Variants in SGK1 observed in about 807,000 individuals in gnomAD.
SGK1 encodes the protein serum/glucocorticoid regulated kinase 1, also known as serine/threonine-protein kinase Sgk1.
SGK1 carries 26 observed loss-of-function variants against 64.2 expected under a neutral mutation model. The ratio of observed to expected loss-of-function variants is 0.40; its 90% CI spans 0.30 to 0.56. The LOEUF (loss-of-function observed/expected upper bound fraction) is 0.56. Ranked by LOEUF, SGK1 falls within the 20% of genes least tolerant of loss-of-function variation. The probability of loss-of-function intolerance (pLI) is 0.38; values close to 1 mark genes in which losing one functional copy is unlikely to be tolerated. For synonymous variants in SGK1, 265 were observed against 239.7 expected (o/e 1.11, Z -0.98); for missense variants, 519 against 645.6 (o/e 0.80, Z 2.12).
intron 1 of SGK1, among the ~76,000 whole-genome samples, chr6:134,264,643 A>ATT (rs1279104336): frequency 4.6e-5 from 7 of 151,434 alleles, no homozygotes; most frequent in African/African-American, 1.7e-4. Context: ...TATTATTATT[A>ATT]TTTTTGTTGT....
intron 1 of SGK1, among the ~76,000 whole-genome samples, chr6:134,285,007 T>C (rs1777159992): frequency 1.3e-5 from 2 of 152,244 alleles, no homozygotes; most frequent in South Asian, 2.1e-4. Context: ...TGCATGTTCA[T>C]GTGTCTTTTT....
At chr6:134,194,113 A>C (rs1775560500) in intron 3 of SGK1, among the ~76,000 whole-genome samples, 1 of 152,056 alleles carries the variant, frequency 6.6e-6, no homozygotes. Context: ...GAGAAAACCT[A>C]CAAAGACATG....
intron 1 of SGK1, among the ~76,000 whole-genome samples, chr6:134,310,199 A>T (rs1174059243): frequency 6.6e-6 from 1 of 152,144 alleles, no homozygotes. Context: ...CCCGCATTTC[A>T]GCACCAGCCC....
chr6:134,184,962 G>A (rs986603525), intron 3 of SGK1, among the ~76,000 whole-genome samples: 2 of 152,278 alleles, frequency 1.3e-5, no homozygotes, highest in African/African-American at 2.4e-5. Context: ...TGGGATTATA[G>A]GCATAAGCCA....
chr6:134,209,010 A>G (rs781313602), intron 2 of SGK1, among the ~76,000 whole-genome samples: 9 of 152,174 alleles, frequency 5.9e-5, no homozygotes, highest in African/African-American at 2.2e-4. Flanking sequence ...TAGTTCTTTA[A>G]GGAATCTGCA....
At chr6:134,223,736 C>G (rs1044917714) in intron 2 of SGK1, among the ~76,000 whole-genome samples, 2 of 152,236 alleles carry the variant, frequency 1.3e-5, no homozygotes, top group African/African-American at 4.8e-5. Context: ...TCCATTAACA[C>G]TTTAGCCATA....
intron 1 of SGK1, among the ~76,000 whole-genome samples, chr6:134,271,848 G>A (rs1297348021): frequency 2.0e-5 from 3 of 147,246 alleles, no homozygotes; most frequent in African/African-American, 7.3e-5. Context: ...TTTTCTGTTT[G>A]TTTGTTTTTT....
At chr6:134,212,015 G>C (rs561345211) in intron 2 of SGK1, among the ~76,000 whole-genome samples, 2 of 151,696 alleles carry the variant, frequency 1.3e-5, no homozygotes, top group Non-Finnish European at 2.9e-5. Context: ...TTGAAATCTG[G>C]GTCCTTGAAA....
In SGK1 at chr6:134,226,676, AGAGT is replaced by A. The variant is rs775264645; in HGVS notation, c.286-19249_286-19246del. 4.5e-4 allele frequency among the ~76,000 whole-genome samples: 69 copies of A among 151,764 alleles called. 1 individual carries two copies. The highest frequency in any genetic ancestry group is 8.2e-4 in the Non-Finnish European group (56 of 67,966). Reference sequence around the variant, plus strand: ...GCCACTGCACTCAAGCCTGGGTGACAGAGTGAGACCCTGTCTCAAAAAAAAAAAT... The same window carrying A: ...GCCACTGCACTCAAGCCTGGGTGACAGAGACCCTGTCTCAAAAAAAAAAAT... On this transcript the variant is annotated intron_variant, in intron 2 of 13. Coordinates refer to ENST00000367858, the MANE Select transcript of SGK1 (RefSeq NM_001143676.3).
chr6:134,239,544 C>T (rs1776412017), intron 2 of SGK1, among the ~76,000 whole-genome samples: 1 of 152,190 alleles, frequency 6.6e-6, no homozygotes, highest in African/African-American at 2.4e-5. Context: ...GGGCTACGCA[C>T]ATTTTACGGC....
chr6:134,212,374 T>G, intron 2 of SGK1, among the ~76,000 whole-genome samples: 1 of 152,136 alleles, frequency 6.6e-6, no homozygotes, highest in Non-Finnish European at 1.5e-5. Flanking sequence ...TAACTCACTC[T>G]TAAATTACAA....
intron 3 of SGK1, among the ~76,000 whole-genome samples, chr6:134,176,313 T>C (rs1038806814): frequency 6.6e-6 from 1 of 152,242 alleles, no homozygotes; most frequent in African/African-American, 2.4e-5. Flanking sequence ...GCTCGCTCTT[T>C]ATGTGAGTCC....
chr6:134,283,752 G>A (rs1372790757), intron 1 of SGK1, among the ~76,000 whole-genome samples: 1 of 151,448 alleles, frequency 6.6e-6, no homozygotes, highest in Non-Finnish European at 1.5e-5. Context: ...AGGCCGAGGT[G>A]GGAGGATCTC....
rs150839592 is a variant in SGK1 at position 134,214,420 on chromosome 6, G to A, written c.286-6989C>T. Among the ~76,000 whole-genome samples, 644 of 152,144 alleles carry A rather than the reference G, an allele frequency of 4.2e-3. 6 individuals carry two copies. The highest frequency in any genetic ancestry group is 6.8e-3 in the Non-Finnish European group (461 of 68,012). ...AGCCTAGCCAGCATGGTGAAACCCCGTCTCTACTAAATATACAAAAATTAG... is the reference window on the plus strand; with the variant it reads ...AGCCTAGCCAGCATGGTGAAACCCCATCTCTACTAAATATACAAAAATTAG... On this transcript the variant is annotated intron_variant, in intron 2 of 13. Coordinates refer to ENST00000367858, the MANE Select transcript of SGK1 (RefSeq NM_001143676.3).
chr6:134,194,345 C>T (rs190535354), intron 3 of SGK1, among the ~76,000 whole-genome samples: 57 of 152,180 alleles, frequency 3.7e-4, no homozygotes, highest in African/African-American at 1.4e-3. Context: ...AAATTTGGAG[C>T]TTTAACCAGT....
At chr6:134,267,501 C>A (rs1037570684) in intron 1 of SGK1, among the ~76,000 whole-genome samples, 3 of 152,006 alleles carry the variant, frequency 2.0e-5, no homozygotes, top group Non-Finnish European at 2.9e-5. Context: ...TTATGTTGCC[C>A]AGGCTGGTCT....
chr6:134,274,121 A>G (rs1776983515), intron 1 of SGK1, among the ~76,000 whole-genome samples: 1 of 151,406 alleles, frequency 6.6e-6, no homozygotes, highest in Non-Finnish European at 1.5e-5. Context: ...CTCCTGCCTC[A>G]GCCTCCCAAG....
At chr6:134,198,724 C>CTCTTTTTTTT (rs1459010325) in intron 3 of SGK1, among the ~76,000 whole-genome samples, 2 of 65,950 alleles carry the variant, frequency 3.0e-5, no homozygotes. Context: ...TTCTCTTTTT[C>CTCTTTTTTTT]TATTTTTTTT....
At chr6:134,219,335 C>T (rs1049155857) in intron 2 of SGK1, among the ~76,000 whole-genome samples, 2 of 151,994 alleles carry the variant, frequency 1.3e-5, no homozygotes, top group Admixed American at 6.6e-5. Flanking sequence ...TTTGAGTTGA[C>T]ACAGAGCCAT....
Sources: gnomAD v4.1 joint callset for allele counts (sites outside exome capture counted in the v4.1 genomes callset) on GRCh38, gnomAD v4.1.1 for gene constraint, MANE v1.5 for transcripts, NCBI Gene and HGNC (gene_info 2026-07-23, HGNC 2026-07-21) for gene names.